The following MYO10 variants were observed in gnomAD, a reference collection of about 807,000 sequenced individuals.
MYO10 encodes the protein myosin X, also known as unconventional myosin-X.
A neutral mutation model predicts 257.3 loss-of-function variants in MYO10; 133 were observed. The ratio of observed to expected loss-of-function variants is 0.52; its 90% confidence interval spans 0.45 to 0.60. The LOEUF is 0.60. Among genes scored for constraint, MYO10 ranks in the 20% least tolerant of loss-of-function variants. The pLI is 0.00. For synonymous variants in MYO10, 1,104 were observed against 1,028.6 expected (o/e 1.07, Z -1.40); for missense variants, 2,399 against 2,635.7 (o/e 0.91, Z 1.97).
At chr5:16,875,703 G>A (rs767073574) in intron 2 of MYO10, among the ~76,000 whole-genome samples, 14 of 152,322 alleles carry the variant, frequency 9.2e-5, no homozygotes, top group African/African-American at 3.1e-4. Flanking sequence ...AACTAAGAAT[G>A]GTTCCACCAA....
intron 1 of MYO10, among the ~76,000 whole-genome samples, chr5:16,913,750 G>C (rs1055345152): frequency 1.3e-5 from 2 of 152,218 alleles, no homozygotes; most frequent in Admixed American, 1.3e-4. Context: ...GGATACGTAA[G>C]TATGAGCTGA....
intron 10 of MYO10, among the ~76,000 whole-genome samples, chr5:16,767,977 C>G (rs1007582400): frequency 1.3e-5 from 2 of 152,028 alleles, no homozygotes; most frequent in Admixed American, 1.3e-4. Context: ...TGTGCCCAGC[C>G]AAAAAGTTTT....
At position 16,662,314 on chromosome 5, in the gene MYO10, CTATTTTT is replaced by C. The variant is rs1276137134; in HGVS notation, c.*4371_*4377del. ...AAAAGTGCTGTCTTAGATTTCTGAA[CTATTTTT>C]TTTTTTTTTTTTTTTTTTTGGAGAC... On this transcript the variant is annotated 3_prime_UTR_variant, in exon 41 of 41. Transcript: ENST00000513610. The C allele has an allele frequency of 1.0e-4, 4 of 39,666 alleles. No individual in the cohort carries two copies. The highest frequency in any genetic ancestry group is 1.9e-4 in the Non-Finnish European group (4 of 20,982). The allele number at this position is 39,666 out of a possible 1,614,324, so 2.5% of individuals were successfully genotyped here. A position where few individuals can be genotyped will look rare whatever the true frequency, so the allele number is the denominator to read the frequency against.
At chr5:16,895,802 A>ACACACT (rs1561045499) in intron 1 of MYO10, among the ~76,000 whole-genome samples, 1 of 126,404 alleles carries the variant, frequency 7.9e-6, no homozygotes, top group East Asian at 2.2e-4. Context: ...ACACACACAC[A>ACACACT]CTCTGCCACC....
intron 2 of MYO10, among the ~76,000 whole-genome samples, chr5:16,854,999 C>T (rs961785408): frequency 6.6e-6 from 1 of 151,882 alleles, no homozygotes; most frequent in Non-Finnish European, 1.5e-5. Context: ...CGCCATTGCA[C>T]TCAGCCCAGA....
intron 2 of MYO10, among the ~76,000 whole-genome samples, 195 bp from the exon 3 acceptor site, chr5:16,818,362 ATGTGTGTGTG>A (rs35397872): frequency 5.9e-5 from 8 of 136,750 alleles, no homozygotes; most frequent in African/African-American, 1.7e-4. Context: ...GTGTGTATGT[ATGTGTGTGTG>A]TGTGTGTGCG....
chr5:16,735,363 C>G (rs148545374), intron 19 of MYO10, among the ~76,000 whole-genome samples: 1 of 152,216 alleles, frequency 6.6e-6, no homozygotes, highest in Non-Finnish European at 1.5e-5. Context: ...CTGTGATTTA[C>G]ACGAGAAAAC....
At chr5:16,760,635 T>TAGTAAAATAA (rs1740682593) in intron 17 of MYO10, among the ~76,000 whole-genome samples, 6 of 152,218 alleles carry the variant, frequency 3.9e-5, no homozygotes, top group Middle Eastern at 3.4e-3. Context: ...ATAGCTGAAT[T>TAGTAAAATAA]AAGGCATTTA....
At chr5:16,720,632 G>C (rs566690398) in intron 19 of MYO10, among the ~76,000 whole-genome samples, 1 of 151,962 alleles carries the variant, frequency 6.6e-6, no homozygotes, top group Admixed American at 6.6e-5. Context: ...CTAATTTTTT[G>C]TATTTTTAGT....
chr5:16,920,650 A>G (rs1213841572), intron 1 of MYO10, among the ~76,000 whole-genome samples: 1 of 152,232 alleles, frequency 6.6e-6, no homozygotes, highest in African/African-American at 2.4e-5. Flanking sequence ...AAATGCATGT[A>G]TGCAAAACTG....
At chr5:16,795,410 C>G (rs1425065530) in intron 3 of MYO10, among the ~76,000 whole-genome samples, 6 of 152,084 alleles carry the variant, frequency 3.9e-5, no homozygotes, top group Non-Finnish European at 8.8e-5. Flanking sequence ...TCAAGGCCAG[C>G]CTGGCCAACA....
At chr5:16,671,018 G>A (rs1218867079) in intron 38 of MYO10, 40 bp from the exon 39 acceptor site, 2 of 1,536,808 alleles carry the variant, frequency 1.3e-6, no homozygotes, top group Non-Finnish European at 1.8e-6. Context: ...TCAACGCACT[G>A]CCATGCCATG....
rs61744167 is a variant in MYO10, at chr5:16,670,754, T to C, written c.5655A>G (p.Leu1885=). 1.2e-4 allele frequency: 188 copies of C among 1,613,846 alleles called. No individual in the cohort carries two copies. The highest frequency in any genetic ancestry group is 1.6e-4 in the Middle Eastern group (1 of 6,084). ...ERLEKRRTSF[L]EGTLRRSFRT... ...GGAAGCTCCGCCTCAGGGTCCCCTC[T>C]AGGAAGCTCGTCCGCCTCTTCTCCA... The change falls in exon 39 of 41, where the codon CTA becomes CTG. Residue 1885 remains leucine, a synonymous_variant. Coordinates refer to ENST00000513610, the MANE Select transcript of MYO10 (RefSeq NM_012334.3).
chr5:16,711,028 A>G lies in MYO10; in HGVS notation c.2055-6T>C, dbSNP rs368521997. ...TCCTCATCAGCACTTTATACCTGCA[A>G]CGTGAAGACACACAGGGTCACCTTC... On this transcript the variant is annotated splice_region_variant and splice_polypyrimidine_tract_variant and intron_variant, in intron 20 of 40. Coordinates refer to ENST00000513610, the MANE Select transcript of MYO10 (RefSeq NM_012334.3). The G allele has an allele frequency of 6.2e-6, 10 of 1,613,862 alleles. No homozygotes were observed. Among genetic ancestry groups the G allele is most frequent in the Middle Eastern group, 3.3e-4 (2 of 6,082 alleles).
intron 7 of MYO10, 22 bp downstream of exon 7, chr5:16,780,706 G>T: frequency 6.4e-7 from 1 of 1,564,560 alleles, no homozygotes; most frequent in Admixed American, 1.9e-5. Flanking sequence ...AAGAAAATGT[G>T]GATTAAATCA....
chr5:16,667,604 C>T (rs1250825202), intron 40 of MYO10, among the ~76,000 whole-genome samples: 3 of 152,070 alleles, frequency 2.0e-5, no homozygotes, highest in Non-Finnish European at 2.9e-5. Flanking sequence ...TCTCACTGCA[C>T]GACTCCCCAT....
In MYO10 at chr5:16,701,666, G is replaced by C. The variant is rs541577815; in HGVS notation, c.2729C>G (p.Ser910Trp). ...LQRMKEQQEL[S>W]LTEASLQKLQ... ...CTTCTGCAGGGAAGCCTCGGTCAGC[G>C]ACAGCTCCTGCTGCTCCTTCATGCG... The change falls in exon 25 of 41, where the codon TCG becomes TGG. Residue 910 changes from serine to tryptophan, a missense_variant. By Grantham distance (177) the Ser-to-Trp change is radical. This residue lies in a region of MYO10 where 1,820 missense variants were observed against 1,939.4 expected (regional missense o/e 0.94). Coordinates refer to ENST00000513610, the MANE Select transcript of MYO10 (RefSeq NM_012334.3). The surrounding 1 kb of genome is among the most constrained non-coding windows in gnomAD (Gnocchi z 8.1). 1 of 1,613,840 alleles carries C rather than the reference G, an allele frequency of 6.2e-7. No individual in the cohort carries two copies. Among genetic ancestry groups the C allele is most frequent in the Non-Finnish European group, 8.5e-7 (1 of 1,179,838 alleles).
At chr5:16,756,905 A>G (rs1415457199) in intron 18 of MYO10, among the ~76,000 whole-genome samples, 1 of 152,018 alleles carries the variant, frequency 6.6e-6, no homozygotes, top group Non-Finnish European at 1.5e-5. Flanking sequence ...TTTTGAGATC[A>G]GCCTGGGCAA....
chr5:16,893,682 C>A lies in MYO10; in HGVS notation c.22-15975G>T, dbSNP rs567045852. ...ATTATTTCCCTCCTACAGCAAAATTCATTTTCATTTCTCTCCATATTACAC... is the reference window on the plus strand; with the variant it reads ...ATTATTTCCCTCCTACAGCAAAATTAATTTTCATTTCTCTCCATATTACAC... On this transcript the variant is annotated intron_variant, in intron 1 of 40. Transcript: ENST00000513610. Among the ~76,000 whole-genome samples the A allele has an allele frequency of 7.3e-5, 11 of 149,662 alleles. No individual in the cohort carries two copies. The South Asian group carries it at 2.3e-3, about 32-fold the overall frequency.
Sources: allele counts gnomAD v4.1 joint callset (sites outside exome capture counted in the v4.1 genomes callset), GRCh38; gene constraint gnomAD v4.1.1; regional missense constraint gnomAD v4.1.1; non-coding constraint Gnocchi (gnomAD v3.1); transcripts MANE v1.5; gene names NCBI Gene and HGNC (gene_info 2026-07-23, HGNC 2026-07-21).